Variants in GSE1 observed in about 807,000 individuals in gnomAD.
The protein encoded by GSE1 is genetic suppressor element 1.
A neutral mutation model predicts 112.6 loss-of-function variants in GSE1; 32 were observed. The observed-to-expected ratio is 0.28, with a 90% CI of 0.21 to 0.38. The LOEUF (loss-of-function observed/expected upper bound fraction) is 0.38, where lower values mean the gene tolerates loss of function less well. Ranked by LOEUF, GSE1 falls within the 10% of genes least tolerant of loss-of-function variation. The pLI is 1.00. For missense variants in GSE1, 2,348 were observed against 1,699.2 expected, an observed-to-expected ratio of 1.38 and a Z score of -6.71; for synonymous variants, 1,115 against 735.6, an observed-to-expected ratio of 1.52 and a Z score of -8.35.
intron 2 of GSE1, among the ~76,000 whole-genome samples, chr16:85,470,868 G>A (rs1358921177): frequency 6.6e-6 from 1 of 152,220 alleles, no homozygotes; most frequent in Non-Finnish European, 1.5e-5. Flanking sequence ...GGAGGAAGCA[G>A]AGAGCCCAAA....
At chr16:85,657,211 A>C in intron 7 of GSE1, 66 bp from the exon 8 acceptor site, 1 of 1,121,866 alleles carries the variant, frequency 8.9e-7, no homozygotes, top group East Asian at 2.6e-5. Context: ...TGGGTGAGAG[A>C]GGACGGGGAG....
At chr16:85,650,667 G>A (rs938730084) in intron 3 of GSE1, among the ~76,000 whole-genome samples, 2 of 152,192 alleles carry the variant, frequency 1.3e-5, no homozygotes, top group African/African-American at 2.4e-5. Context: ...AATGGAACAC[G>A]GTGCCGCCAG....
intron 2 of GSE1, among the ~76,000 whole-genome samples, chr16:85,521,431 A>G (rs2052182366): frequency 6.6e-6 from 1 of 151,882 alleles, no homozygotes; most frequent in African/African-American, 2.4e-5. Flanking sequence ...CCTTGGGCAC[A>G]CTCACTCTCC....
chr16:85,671,131 C>G (rs138697795), intron 15 of GSE1, 33 bp downstream of exon 15: 4 of 1,245,516 alleles, frequency 3.2e-6, no homozygotes, highest in Non-Finnish European at 4.7e-6. Flanking sequence ...CCTTCAAACA[C>G]GCAACCTTTT....
At chr16:85,633,514 C>G (rs1434186929) in intron 1 of GSE1, among the ~76,000 whole-genome samples, 1 of 152,210 alleles carries the variant, frequency 6.6e-6, no homozygotes, top group Non-Finnish European at 1.5e-5. Flanking sequence ...GTGTTTCTAT[C>G]CTGAGGATGC....
At chr16:85,631,680 C>T (rs1418903247) in intron 1 of GSE1, among the ~76,000 whole-genome samples, 2 of 152,240 alleles carry the variant, frequency 1.3e-5, no homozygotes, top group African/African-American at 4.8e-5. Context: ...GGCTCTGAAG[C>T]CCCTCATGTC....
At chr16:85,597,423 C>T (rs868272986) in intron 1 of GSE1, among the ~76,000 whole-genome samples, 1 of 148,834 alleles carries the variant, frequency 6.7e-6, no homozygotes, top group Admixed American at 6.7e-5. Flanking sequence ...TGTCAGAGAG[C>T]AGTATTCTAC....
chr16:85,568,600 G>A (rs1000020972), intron 1 of GSE1, among the ~76,000 whole-genome samples: 2 of 152,222 alleles, frequency 1.3e-5, no homozygotes, highest in African/African-American at 2.4e-5. Flanking sequence ...AGGGTTGGTT[G>A]ATCAGTGGCT....
chr16:85,413,107 A>C (rs987864150), intron 2 of GSE1, among the ~76,000 whole-genome samples: 1 of 152,170 alleles, frequency 6.6e-6, no homozygotes, highest in Non-Finnish European at 1.5e-5. Context: ...GGCTGTTTCC[A>C]GGCCGAGCGC....
intron 15 of GSE1, 164 bp from the exon 16 acceptor site, chr16:85,672,241 C>G: frequency 1.6e-6 from 1 of 610,910 alleles, no homozygotes; most frequent in South Asian, 1.8e-5. Flanking sequence ...GTGATCTGCC[C>G]GCCTCGACCT....
At chr16:85,357,516 G>A in exon 2 of GSE1, 1 of 1,267,092 alleles carries the variant, frequency 7.9e-7, no homozygotes. Flanking sequence ...CCACCCGGGA[G>A]TCCGAGACCC....
intron 1 of GSE1, among the ~76,000 whole-genome samples, chr16:85,272,107 G>A (rs895850853): frequency 6.6e-6 from 1 of 152,216 alleles, no homozygotes; most frequent in African/African-American, 2.4e-5. Context: ...TCCCATCATC[G>A]TCACCATGCG....
rs762479142 is a variant in GSE1, at chr16:85,665,994, C to T, written c.2777C>T (p.Ala926Val). The change falls in exon 13 of 16, where the codon GCC (alanine) becomes GTC (valine). Residue 926 changes from alanine (A) to valine (V), a missense_variant. Coordinates refer to ENST00000253458, the MANE Select transcript of GSE1 (RefSeq NM_014615.5). ...VSLSEPATQQ[A>V]SLDVEKPVGV... is the part of the protein sequence containing the mutation. ...CTAAAAGAACCAGCCACGCAGCAAG[C>T]CTCTCTGGATGTGGAGAAGCCGGTT... 1.2e-6 allele frequency: 2 copies of T among 1,613,342 alleles called. No homozygotes were observed. Among genetic ancestry groups the T allele is most frequent in the Admixed American group, 1.7e-5 (1 of 60,008 alleles).
In GSE1 at chr16:85,257,171, C is replaced by A. The variant is rs757813283; in HGVS notation, c.2283+85364C>A. Among the ~76,000 whole-genome samples the A allele has an allele frequency of 4.6e-5, 7 of 152,234 alleles. No homozygotes were observed. In the South Asian group the frequency reaches 8.3e-4, roughly 18 times the overall value. On this transcript the variant is annotated intron_variant, in intron 1 of 2. Coordinates refer to the GSE1 transcript ENST00000637419. The stretch of plus-strand genomic sequence containing the variant: ...TCACCCAGGCTGGAGTGCAGTGGCG[C>A]GATCTCGGCCCACTGCAACCTCCAC...
chr16:85,438,312 G>T (rs1451805207), intron 2 of GSE1, among the ~76,000 whole-genome samples: 1 of 152,144 alleles, frequency 6.6e-6, no homozygotes, highest in African/African-American at 2.4e-5. Context: ...TGTCTTTCCG[G>T]GTCTGTGCTG....
chr16:85,656,657 C>T lies in GSE1; in HGVS notation c.1304C>T (p.Thr435Ile), dbSNP rs1476589909. 4 of 1,517,500 alleles carry T rather than the reference C, an allele frequency of 2.6e-6. No individual in the cohort carries two copies. The East Asian group carries it at 9.9e-5, about 37-fold the overall frequency. 94.0% of individuals were successfully genotyped at this position (1,517,500 alleles called of 1,614,324 possible). Residue 435 changes from threonine (T) to isoleucine (I), a missense_variant, in exon 7 of 16, where the codon ACC (threonine) becomes ATC (isoleucine). Coordinates refer to ENST00000253458, the MANE Select transcript of GSE1 (RefSeq NM_014615.5). The part of the protein sequence containing the change: ...RGKPSEQLTP[T>I]RAEKLKDAGL... The stretch of plus-strand genomic sequence containing the variant: ...AAGCCCTCGGAGCAGCTGACCCCAA[C>T]CCGAGCAGGTACCTGGGCGTGGGTG...
At chr16:85,274,125 C>T (rs1909124373) in intron 1 of GSE1, among the ~76,000 whole-genome samples, 1 of 151,844 alleles carries the variant, frequency 6.6e-6, no homozygotes, top group South Asian at 2.1e-4. Context: ...GAGGCTCACT[C>T]CTGTAATCCC....
At chr16:85,323,502 G>T (rs916245837) in intron 1 of GSE1, among the ~76,000 whole-genome samples, 1 of 152,172 alleles carries the variant, frequency 6.6e-6, no homozygotes, top group African/African-American at 2.4e-5. Context: ...GAAAGTCGCC[G>T]GCCTGGAGGA....
chr16:85,235,234 C>G (rs1045708803), intron 1 of GSE1, among the ~76,000 whole-genome samples: 1 of 152,074 alleles, frequency 6.6e-6, no homozygotes, highest in African/African-American at 2.4e-5. Flanking sequence ...AAAATCAGAA[C>G]AAGCTCCCAA....
Sources: allele counts gnomAD v4.1 joint callset (sites outside exome capture counted in the v4.1 genomes callset), GRCh38; gene constraint gnomAD v4.1.1; transcripts MANE v1.5; gene names NCBI Gene and HGNC (gene_info 2026-07-23, HGNC 2026-07-21).